The following MYO9A variants were observed in gnomAD, a reference collection of about 807,000 sequenced individuals.
The protein encoded by MYO9A is unconventional myosin-IXa.
Under a neutral mutation model 293.3 loss-of-function variants are expected in MYO9A, and 103 were observed. The observed-to-expected ratio is 0.35, with a 90% CI of 0.30 to 0.41. The LOEUF is 0.41. MYO9A is among the 10% of genes least tolerant of loss of function. The pLI, the probability that MYO9A is intolerant of heterozygous loss-of-function variation, is 1.00. For synonymous variants in MYO9A, 1,001 were observed against 1,035.7 expected (o/e 0.97, Z 0.64); for missense variants, 2,685 against 3,033.0 (o/e 0.89, Z 2.69).
At chr15:71,919,684 T>C (rs191742679) in intron 18 of MYO9A, among the ~76,000 whole-genome samples, 2 of 151,342 alleles carry the variant, frequency 1.3e-5, no homozygotes, top group African/African-American at 2.4e-5. Flanking sequence ...CTACTAAAAA[T>C]ACAAAAAATT....
intron 4 of MYO9A, among the ~76,000 whole-genome samples, chr15:72,023,695 C>CAA (rs368209775): frequency 0.012 from 626 of 51,244 alleles, 10 homozygotes; most frequent in African/African-American, 0.033. Flanking sequence ...AACTCTGTCT[C>CAA]AAAAAAAAAA....
At chr15:72,047,773 C>CATTTTT (rs1566982437) in intron 1 of MYO9A, among the ~76,000 whole-genome samples, 1 of 25,364 alleles carries the variant, frequency 3.9e-5, no homozygotes. Context: ...TCAGTTACTT[C>CATTTTT]CTTTTTTTTT....
intron 19 of MYO9A, among the ~76,000 whole-genome samples, chr15:71,915,765 C>G (rs2057992151): frequency 6.6e-6 from 1 of 151,970 alleles, no homozygotes; most frequent in African/African-American, 2.4e-5. Context: ...TGTTACCTAC[C>G]AGATATTTTG....
At position 72,096,133 on chromosome 15, in the gene MYO9A, A is replaced by G. The variant is rs1288748742; in HGVS notation, c.-72+21547T>C. On this transcript the variant is annotated intron_variant, in intron 1 of 41. Transcript: ENST00000356056. ...CCAAGATCACGCCACTATACTCTCC[A>G]GCCTGAGTGACAGAGCGAGACTGTC... is the stretch of plus-strand genomic sequence containing the variant. Among the ~76,000 whole-genome samples, 7 of 147,862 alleles carry G rather than the reference A, an allele frequency of 4.7e-5. No homozygotes were observed. In the South Asian group the frequency reaches 1.1e-3, roughly 23 times the overall value.
At chr15:72,020,563 G>GA (rs1350833289) in intron 5 of MYO9A, among the ~76,000 whole-genome samples, 1 of 152,130 alleles carries the variant, frequency 6.6e-6, no homozygotes, top group Non-Finnish European at 1.5e-5. Flanking sequence ...CAAAGGACAA[G>GA]AATTAATCAT....
chr15:71,876,112 T>C (rs2056674706), intron 31 of MYO9A, among the ~76,000 whole-genome samples: 1 of 152,138 alleles, frequency 6.6e-6, no homozygotes, highest in Admixed American at 6.5e-5. Flanking sequence ...ACCGCCATAT[T>C]AATTTAAATG....
intron 32 of MYO9A, among the ~76,000 whole-genome samples, chr15:71,864,552 C>G (rs1567209699): frequency 6.6e-6 from 1 of 152,168 alleles, no homozygotes; most frequent in Non-Finnish European, 1.5e-5. Flanking sequence ...TGGCATTATT[C>G]ATGGTAGCCA....
At chr15:72,072,451 T>A (rs1471321266) in intron 1 of MYO9A, among the ~76,000 whole-genome samples, 4 of 152,198 alleles carry the variant, frequency 2.6e-5, no homozygotes, top group African/African-American at 9.6e-5. Context: ...TACACTCTTA[T>A]GTTTATCACA....
intron 28 of MYO9A, among the ~76,000 whole-genome samples, chr15:71,881,629 A>G (rs2056875958): frequency 6.6e-6 from 1 of 152,196 alleles, no homozygotes; most frequent in Non-Finnish European, 1.5e-5. Flanking sequence ...AATGTTTACT[A>G]AAGAAATTAT....
chr15:71,862,690 C>A, intron 32 of MYO9A, 79 bp from the exon 33 acceptor site: 1 of 903,034 alleles, frequency 1.1e-6, no homozygotes, highest in Non-Finnish European at 1.8e-6. Flanking sequence ...ATCCTTCAAT[C>A]TCTTGTTAAG....
At chr15:71,848,596 G>C (rs903938479) in intron 39 of MYO9A, among the ~76,000 whole-genome samples, 5 of 152,124 alleles carry the variant, frequency 3.3e-5, no homozygotes, top group African/African-American at 1.2e-4. Context: ...AGATTATTAA[G>C]ACACCAACAT....
At position 71,994,532 on chromosome 15, in the gene MYO9A, G is replaced by A; in HGVS notation, c.1524C>T (p.Asp508=). The A allele has an allele frequency of 6.2e-7, 1 of 1,611,784 alleles. No individual in the cohort carries two copies. The highest frequency in any genetic ancestry group is 1.7e-5 in the Admixed American group (1 of 59,338). The part of the protein sequence containing the change: ...MAKSLYSALF[D]WIVFRINHAL... ...CATGATTAATTCGAAAAACTATCCA[G>A]TCAAACAGGGCACTATACAGAGACT... is the stretch of plus-strand genomic sequence containing the variant. Residue 508 remains aspartate, a synonymous_variant, in exon 10 of 42, where the codon GAC becomes GAT. Transcript: ENST00000356056.
chr15:71,871,665 C>A (rs2056517891), intron 32 of MYO9A, among the ~76,000 whole-genome samples: 3 of 139,508 alleles, frequency 2.2e-5, no homozygotes, highest in Admixed American at 7.5e-5. Context: ...GCTTAGGTAA[C>A]AGAGTGAGAC....
intron 18 of MYO9A, among the ~76,000 whole-genome samples, chr15:71,925,401 G>A (rs997433990): frequency 1.3e-5 from 2 of 150,306 alleles, no homozygotes; most frequent in East Asian, 3.9e-4. Flanking sequence ...GGATATATAC[G>A]TATATACATA....
intron 21 of MYO9A, among the ~76,000 whole-genome samples, chr15:71,903,363 T>C (rs1372018666): frequency 6.6e-6 from 1 of 152,002 alleles, no homozygotes; most frequent in Non-Finnish European, 1.5e-5. Context: ...AACAAGACCC[T>C]AAAATTTCTA....
At chr15:71,947,553 T>C (rs946340636) in intron 15 of MYO9A, among the ~76,000 whole-genome samples, 5 of 152,220 alleles carry the variant, frequency 3.3e-5, no homozygotes, top group Admixed American at 3.3e-4. Flanking sequence ...TAGTTACATA[T>C]ACATTTTATT....
At chr15:72,040,930 A>G (rs1274057419) in intron 2 of MYO9A, among the ~76,000 whole-genome samples, 1 of 152,230 alleles carries the variant, frequency 6.6e-6, no homozygotes, top group Non-Finnish European at 1.5e-5. Context: ...AATATATTAG[A>G]AAAGAATGAT....
intron 1 of MYO9A, among the ~76,000 whole-genome samples, chr15:72,079,241 G>A (rs1038121076): frequency 2.0e-5 from 3 of 151,956 alleles, no homozygotes; most frequent in South Asian, 2.1e-4. Flanking sequence ...CGGAAACTCC[G>A]TATTTTCTGC....
chr15:71,849,679 G>C (rs574058481), intron 38 of MYO9A, among the ~76,000 whole-genome samples: 1 of 149,576 alleles, frequency 6.7e-6, no homozygotes, highest in East Asian at 2.0e-4. Context: ...TGAAATACAG[G>C]AATACTGAAG....
Sources: allele counts gnomAD v4.1 joint callset (sites outside exome capture counted in the v4.1 genomes callset), GRCh38; gene constraint gnomAD v4.1.1; transcripts MANE v1.5; gene names NCBI Gene and HGNC (gene_info 2026-07-23, HGNC 2026-07-21).